The following HSF1 variants were observed in gnomAD, a reference collection of about 807,000 sequenced individuals.
The protein encoded by HSF1 is heat shock transcription factor 1, also known as heat shock factor protein 1.
In HSF1, 32 loss-of-function variants were observed where a neutral mutation model predicts 51.7. The observed-to-expected ratio is 0.62, with a 90% CI of 0.47 to 0.83. The LOEUF (loss-of-function observed/expected upper bound fraction) is 0.83, where lower values mean the gene tolerates loss of function less well. Among genes scored for constraint, HSF1 ranks in the 40% least tolerant of loss-of-function variants. The pLI is 0.00. For synonymous variants in HSF1, 396 were observed against 309.7 expected (o/e 1.28, Z -2.92); for missense variants, 727 against 717.0 (o/e 1.01, Z -0.16).
chr8:144,295,331 CAAGAT>C (rs1197575638), intron 1 of HSF1, among the ~76,000 whole-genome samples: 1 of 152,232 alleles, frequency 6.6e-6, no homozygotes, highest in Non-Finnish European at 1.5e-5. Context: ...TCTTTATTAA[CAAGAT>C]AAGGAAGTAT....
intron 1 of HSF1, among the ~76,000 whole-genome samples, chr8:144,306,290 T>C (rs1317326790): frequency 3.9e-5 from 6 of 152,022 alleles, no homozygotes; most frequent in Non-Finnish European, 7.4e-5. Context: ...TTTTTTTTTT[T>C]TCCCGTGTAT....
intron 1 of HSF1, among the ~76,000 whole-genome samples, chr8:144,292,086 G>A (rs1237418772): frequency 6.6e-6 from 1 of 152,254 alleles, no homozygotes; most frequent in Non-Finnish European, 1.5e-5. Context: ...ACCCACACTC[G>A]GTTCAACCCC....
At chr8:144,306,216 T>C (rs1554843276) in intron 1 of HSF1, among the ~76,000 whole-genome samples, 1 of 152,226 alleles carries the variant, frequency 6.6e-6, no homozygotes, top group Non-Finnish European at 1.5e-5. Context: ...ACTTAAAATC[T>C]TTGCCTCGTA....
chr8:144,299,777 CG>C (rs1815733116), intron 1 of HSF1, among the ~76,000 whole-genome samples: 1 of 151,830 alleles, frequency 6.6e-6, no homozygotes, highest in Non-Finnish European at 1.5e-5. Flanking sequence ...GGCGTGGTGG[CG>C]GGCACCTGTA....
intron 1 of HSF1, among the ~76,000 whole-genome samples, chr8:144,300,982 T>G (rs1815825184): frequency 6.6e-6 from 1 of 152,150 alleles, no homozygotes; most frequent in Non-Finnish European, 1.5e-5. Flanking sequence ...AAAAGATTCC[T>G]GAACTAAAAG....
chr8:144,293,860 C>G (rs1383682330), intron 1 of HSF1, among the ~76,000 whole-genome samples: 1 of 150,966 alleles, frequency 6.6e-6, no homozygotes, highest in Non-Finnish European at 1.5e-5. Context: ...GTGATCTGTC[C>G]TGTCCCGTAA....
At position 144,314,048 on chromosome 8, in the gene HSF1, G is replaced by A. The variant is rs1195629513; in HGVS notation, c.1378G>A (p.Asp460Asn). Residue 460 changes from aspartate (D) to asparagine (N), a missense_variant, in exon 12 of 13, where the codon GAT becomes AAT. Transcript: ENST00000528838. ...TCCCGAGGCAGAGAACAGCAGCCCG[G>A]ATTCAGGTGAGCCAAGTCCCACCGG... ...RPPEAENSSP[D>N]SGKQLVHYTA... 1.3e-5 allele frequency: 21 copies of A among 1,609,746 alleles called. No individual in the cohort carries two copies. The East Asian group carries it at 4.7e-4, about 36-fold the overall frequency.
At chr8:144,307,358 G>A (rs1170951718) in intron 1 of HSF1, among the ~76,000 whole-genome samples, 2 of 152,222 alleles carry the variant, frequency 1.3e-5, no homozygotes, top group African/African-American at 4.8e-5. Flanking sequence ...GGCCCACCCC[G>A]CAGCGGCTGC....
In HSF1 at chr8:144,301,879, G is replaced by A. The variant is rs369469386; in HGVS notation, c.118-7027G>A. On this transcript the variant is annotated intron_variant, in intron 1 of 12. Transcript: ENST00000528838. ...GACTCCGTCTCAAAAAAAATAAAAA[G>A]CATCCAGAAGAGCCGTGCACGGTGG... Among the ~76,000 whole-genome samples, 6 of 145,276 alleles carry A rather than the reference G, an allele frequency of 4.1e-5. No homozygotes were observed. The East Asian group carries it at 8.5e-4, about 21-fold the overall frequency.
intron 9 of HSF1, chr8:144,312,856 A>G (rs1173607910): frequency 1.7e-5 from 12 of 710,452 alleles, no homozygotes; most frequent in African/African-American, 3.5e-5. Flanking sequence ...GCGGGGGCTC[A>G]GTGTCGTCAT....
chr8:144,306,369 T>G (rs1372007452), intron 1 of HSF1, among the ~76,000 whole-genome samples: 2 of 151,764 alleles, frequency 1.3e-5, no homozygotes, highest in African/African-American at 4.8e-5. Flanking sequence ...AGTTTTTTGT[T>G]TGTTTGTTTG....
At position 144,291,632 on chromosome 8, in the gene HSF1, G is replaced by C. The variant is rs1181754412; in HGVS notation, c.-126G>C. 6 of 489,908 alleles carry C rather than the reference G, an allele frequency of 1.2e-5. No individual in the cohort carries two copies. The East Asian group carries it at 1.4e-4, about 11-fold the overall frequency. 30.3% of individuals were successfully genotyped at this position (489,908 alleles called of 1,614,324 possible). On this transcript the variant is annotated 5_prime_UTR_variant, in exon 1 of 13. Transcript: ENST00000528838. This position sits in a 1 kb window ranked among gnomAD's most constrained non-coding sequence, Gnocchi z 4.1. ...TGCAAGATGGCGGCGGCCATGCTGG[G>C]CCCCGGGGCTGTGTGTGCGCAGCGG...
chr8:144,308,862 C>A, intron 1 of HSF1, 44 bp from the exon 2 acceptor site: 2 of 1,500,284 alleles, frequency 1.3e-6, no homozygotes, highest in Non-Finnish European at 1.9e-6. Context: ...GGGCACGCTG[C>A]CCCTCACCAC....
At chr8:144,302,345 G>A (rs886773200) in intron 1 of HSF1, among the ~76,000 whole-genome samples, 10 of 138,534 alleles carry the variant, frequency 7.2e-5, no homozygotes, top group East Asian at 2.2e-4. Context: ...CGTCTCTACT[G>A]AAAATACAAA....
Position 144,314,016 on chromosome 8 carries a change from C to CG in HSF1, c.1346_1347insG (p.Arg450GlnfsTer44). On this transcript the variant is annotated frameshift_variant, in exon 12 of 13. Coordinates refer to ENST00000528838, the MANE Select transcript of HSF1 (RefSeq NM_005526.4). LOFTEE classifies it high-confidence loss of function. ...GAGCTCCTGTCTCCCCAGGAGCCCC[C>CG]CAGGCCTCCCGAGGCAGAGAACAGC... The CG allele has an allele frequency of 6.2e-7, 1 of 1,611,112 alleles. No individual in the cohort carries two copies. Among genetic ancestry groups the CG allele is most frequent in the Admixed American group, 1.7e-5 (1 of 59,872 alleles).
rs1554846069 is a variant in HSF1 at position 144,314,129 on chromosome 8, G to T, written c.1389G>T (p.Lys463Asn). The T allele has an allele frequency of 1.4e-6, 2 of 1,380,430 alleles. No homozygotes were observed. The highest frequency in any genetic ancestry group is 3.1e-5 in the African/African-American group (2 of 64,112). The allele number at this position is 1,380,430 out of a possible 1,614,324, so 85.5% of individuals were successfully genotyped here. The change falls in exon 13 of 13, where the codon AAG becomes AAT. Residue 463 changes from lysine (K) to asparagine (N), a missense_variant. Lys to Asn is a moderately conservative substitution (Grantham distance 94, BLOSUM62 0). This residue lies in a region of HSF1 where 470 missense variants were observed against 398.8 expected (regional missense o/e 1.18). Transcript: ENST00000528838. ...TTGACACCCCCACCCCCGCAGGGAA[G>T]CAGCTGGTGCACTACACAGCGCAGC... ...EAENSSPDSG[K>N]QLVHYTAQPL... is the part of the protein sequence containing the mutation.
At chr8:144,296,372 C>G (rs1212809911) in intron 1 of HSF1, among the ~76,000 whole-genome samples, 3 of 152,232 alleles carry the variant, frequency 2.0e-5, no homozygotes, top group African/African-American at 7.2e-5. Flanking sequence ...GCCCACTGGC[C>G]CCACCCTGGA....
At chr8:144,312,838 C>T in intron 9 of HSF1, 1 of 817,700 alleles carries the variant, frequency 1.2e-6, no homozygotes, top group African/African-American at 1.7e-5. Context: ...AGCCGAGACC[C>T]CTCTGTGGCG....
Position 144,311,538 on chromosome 8 carries a change from T to C in HSF1, c.660T>C (p.His220=). 8 of 1,613,662 alleles carry C rather than the reference T, an allele frequency of 5.0e-6. No homozygotes were observed. The highest frequency in any genetic ancestry group is 5.9e-6 in the Non-Finnish European group (7 of 1,179,962). The change falls in exon 7 of 13, where the codon CAT becomes CAC. Residue 220 remains histidine, a synonymous_variant. Transcript: ENST00000528838. ...PLMLNDSGSA[H]SMPKYSRQFS... ...TGCTGAACGACAGTGGCTCAGCACA[T>C]TCCATGCCCAAGTATAGCCGGCAGT...
Sources: gnomAD v4.1 joint callset for allele counts (sites outside exome capture counted in the v4.1 genomes callset) on GRCh38, gnomAD v4.1.1 for gene constraint, gnomAD v4.1.1 regional missense constraint, Gnocchi (gnomAD v3.1) non-coding constraint, MANE v1.5 for transcripts, NCBI Gene and HGNC (gene_info 2026-07-23, HGNC 2026-07-21) for gene names.